The following ABCB5 variants were observed in gnomAD, a reference collection of about 807,000 sequenced individuals.
The protein encoded by ABCB5 is ATP-binding cassette sub-family B member 5.
ABCB5 carries 155 observed loss-of-function variants against 144.2 expected under a neutral mutation model. That is an observed-to-expected ratio of 1.08 (90% CI 0.94 to 1.23). ABCB5 has a LOEUF of 1.23. Ranked by LOEUF, ABCB5 falls within the 50% of genes most tolerant of loss-of-function variation. ABCB5 has a pLI of 0.00. For synonymous variants in ABCB5, 610 were observed against 528.6 expected (o/e 1.15, Z -2.11); for missense variants, 1,830 against 1,520.8 (o/e 1.20, Z -3.38).
chr7:20,731,672 C>G (rs756431381), intron 23 of ABCB5, among the ~76,000 whole-genome samples: 1 of 152,146 alleles, frequency 6.6e-6, no homozygotes, highest in African/African-American at 2.4e-5. Context: ...CAAAGGTTAT[C>G]TTCCCCAAGA....
At position 20,698,610 on chromosome 7, in the gene ABCB5, A is replaced by G. The variant is rs1208003188; in HGVS notation, c.2154+60A>G. The G allele has an allele frequency of 4.7e-6, 7 of 1,492,128 alleles. No individual in the cohort carries two copies. The East Asian group carries it at 1.4e-4, about 30-fold the overall frequency. 92.4% of individuals were successfully genotyped at this position (1,492,128 alleles called of 1,614,324 possible). Reference sequence around the variant, plus strand: ...TTTAAAGAAAGTATGACCTGAGAGAACAAGCTTGTATCAGTCTAAACCACA... The same window carrying G: ...TTTAAAGAAAGTATGACCTGAGAGAGCAAGCTTGTATCAGTCTAAACCACA... On this transcript the variant is annotated intron_variant, in intron 17 of 27. Coordinates refer to ENST00000404938, the MANE Select transcript of ABCB5 (RefSeq NM_001163941.2).
rs902188777 is a variant in ABCB5 at position 20,756,734 on chromosome 7, T to C, written c.*1110T>C. ...AAATAATTTCCTTAAATTTTATATATACTTTATCATATATAATGTGTGAAT... is the reference window on the plus strand; with the variant it reads ...AAATAATTTCCTTAAATTTTATATACACTTTATCATATATAATGTGTGAAT... On this transcript the variant is annotated 3_prime_UTR_variant, in exon 28 of 28. Coordinates refer to ENST00000404938, the MANE Select transcript of ABCB5 (RefSeq NM_001163941.2). The C allele has an allele frequency of 5.6e-4, 86 of 152,340 alleles. No homozygotes were observed. The highest frequency in any genetic ancestry group is 2.0e-3 in the African/African-American group (82 of 41,582). 9.4% of individuals were successfully genotyped at this position (152,340 alleles called of 1,614,324 possible).
chr7:20,634,144 C>T lies in ABCB5; in HGVS notation c.314+2031C>T, dbSNP rs914167849. ...GTATTTGACTGTTTCTGAGTTATTT[C>T]ATTTAAGATAATGGCCTCTTGATCC... On this transcript the variant is annotated intron_variant, in intron 5 of 27. Coordinates refer to ENST00000404938, the MANE Select transcript of ABCB5 (RefSeq NM_001163941.2). Among the ~76,000 whole-genome samples, 8 of 149,560 alleles carry T rather than the reference C, an allele frequency of 5.3e-5. 1 individual carries two copies. Among genetic ancestry groups the T allele is most frequent in the Middle Eastern group, 3.5e-3 (1 of 282 alleles).
intron 20 of ABCB5, among the ~76,000 whole-genome samples, chr7:20,715,024 T>C (rs1219529038): frequency 6.6e-6 from 1 of 152,162 alleles, no homozygotes; most frequent in Non-Finnish European, 1.5e-5. Context: ...TTTTTGTCTT[T>C]ACTTTTCTTA....
At chr7:20,744,111 C>T (rs1241540737) in intron 25 of ABCB5, among the ~76,000 whole-genome samples, 1 of 152,102 alleles carries the variant, frequency 6.6e-6, no homozygotes. Context: ...GTGGCCCAGG[C>T]TGGAGTACAG....
chr7:20,616,695 G>C (rs1783693304), intron 1 of ABCB5, among the ~76,000 whole-genome samples: 2 of 152,180 alleles, frequency 1.3e-5, no homozygotes, highest in Non-Finnish European at 1.5e-5. Flanking sequence ...TCTACTTAGT[G>C]CTGGATATTA....
At chr7:20,659,117 C>G (rs1303439883) in intron 14 of ABCB5, 11 of 1,613,908 alleles carry the variant, frequency 6.8e-6, no homozygotes, top group African/African-American at 1.3e-5. Flanking sequence ...TGGAGAATCG[C>G]TGACCTTGAA....
At chr7:20,617,545 G>T (rs1783714932) in intron 1 of ABCB5, among the ~76,000 whole-genome samples, 1 of 152,090 alleles carries the variant, frequency 6.6e-6, no homozygotes, top group Non-Finnish European at 1.5e-5. Context: ...TGTTTCTCAA[G>T]GCTTTGTGCT....
At chr7:20,638,446 C>T (rs759721902) in intron 5 of ABCB5, among the ~76,000 whole-genome samples, 1 of 152,128 alleles carries the variant, frequency 6.6e-6, no homozygotes, top group African/African-American at 2.4e-5. Context: ...TGGAGTTGTA[C>T]AGCCATCATC....
chr7:20,637,844 T>C (rs193224006), intron 5 of ABCB5, among the ~76,000 whole-genome samples: 88 of 152,304 alleles, frequency 5.8e-4, no homozygotes, highest in African/African-American at 2.0e-3. Flanking sequence ...CCGTGTTAGA[T>C]TAGCATATAG....
At chr7:20,649,258 G>A (rs1199519506) in intron 11 of ABCB5, among the ~76,000 whole-genome samples, 1 of 152,088 alleles carries the variant, frequency 6.6e-6, no homozygotes, top group South Asian at 2.1e-4. Context: ...GCCCTCTGAA[G>A]GTTTTATGTT....
intron 14 of ABCB5, chr7:20,666,943 T>G (rs1785217179): frequency 8.4e-7 from 1 of 1,184,764 alleles, no homozygotes. Flanking sequence ...AAATCTCTTC[T>G]GTGTTTTAAG....
At chr7:20,624,416 C>G (rs1339710441) in intron 2 of ABCB5, among the ~76,000 whole-genome samples, 2 of 151,976 alleles carry the variant, frequency 1.3e-5, no homozygotes, top group Non-Finnish European at 2.9e-5. Flanking sequence ...ATTGGTGAAC[C>G]AAAAAAACTA....
intron 16 of ABCB5, among the ~76,000 whole-genome samples, chr7:20,697,634 T>C (rs1786466032): frequency 6.6e-6 from 1 of 152,200 alleles, no homozygotes; most frequent in African/African-American, 2.4e-5. Flanking sequence ...GAATGACTAC[T>C]TGCATTGTGC....
intron 23 of ABCB5, among the ~76,000 whole-genome samples, chr7:20,729,424 T>C (rs1321068302): frequency 1.3e-5 from 2 of 152,124 alleles, no homozygotes; most frequent in Admixed American, 1.3e-4. Flanking sequence ...AAGAAACACA[T>C]ATAAATGAGT....
chr7:20,626,122 A>T (rs1304600987), intron 2 of ABCB5, among the ~76,000 whole-genome samples: 5 of 152,182 alleles, frequency 3.3e-5, no homozygotes, highest in African/African-American at 9.6e-5. Context: ...AGATTCATAG[A>T]GGCAAAATAG....
chr7:20,751,276 T>A (rs1434608609), intron 26 of ABCB5, among the ~76,000 whole-genome samples: 1 of 151,988 alleles, frequency 6.6e-6, no homozygotes, highest in Non-Finnish European at 1.5e-5. Flanking sequence ...AATAAAACCA[T>A]CCTGGCTAAC....
chr7:20,669,006 C>G (rs1183378280), intron 14 of ABCB5, among the ~76,000 whole-genome samples: 2 of 134,134 alleles, frequency 1.5e-5, no homozygotes, highest in African/African-American at 5.8e-5. Flanking sequence ...GGCCAGCCGC[C>G]CTATCCAGGA....
intron 14 of ABCB5, among the ~76,000 whole-genome samples, chr7:20,665,453 G>C (rs1785145632): frequency 6.6e-6 from 1 of 152,092 alleles, no homozygotes; most frequent in Non-Finnish European, 1.5e-5. Context: ...GAAACAAAAG[G>C]CCTATGTTTC....
Sources: allele counts gnomAD v4.1 joint callset (sites outside exome capture counted in the v4.1 genomes callset), GRCh38; gene constraint gnomAD v4.1.1; transcripts MANE v1.5; gene names NCBI Gene and HGNC (gene_info 2026-07-23, HGNC 2026-07-21).